TRMT6: variants seen among roughly 807,000 people sequenced by gnomAD.
The protein encoded by TRMT6 is tRNA methyltransferase 6 non-catalytic subunit, also known as tRNA (adenine(58)-N(1))-methyltransferase non-catalytic subunit TRM6.
A neutral mutation model predicts 59.0 loss-of-function variants in TRMT6; 34 were observed. The observed-to-expected ratio is 0.58, with a 90% confidence interval of 0.44 to 0.77. The LOEUF (loss-of-function observed/expected upper bound fraction) is 0.77. Among genes scored for constraint, TRMT6 ranks in the 30% least tolerant of loss-of-function variants. The probability of loss-of-function intolerance (pLI) is 0.00; values close to 1 mark genes in which losing one functional copy is unlikely to be tolerated. For synonymous variants in TRMT6, 217 were observed against 210.5 expected (o/e 1.03, Z -0.27); for missense variants, 575 against 604.5 (o/e 0.95, Z 0.51).
At chr20:5,942,261 G>T in intron 7 of TRMT6, 167 bp downstream of exon 7, 1 of 767,942 alleles carries the variant, frequency 1.3e-6, no homozygotes, top group Non-Finnish European at 2.2e-6. Flanking sequence ...GCTCCATCCC[G>T]AAGACCGAAT....
At chr20:5,942,187 A>G in intron 7 of TRMT6, 151 bp from the exon 8 acceptor site, 2 of 767,200 alleles carry the variant, frequency 2.6e-6, no homozygotes, top group South Asian at 1.7e-5. Flanking sequence ...GCAAATACAC[A>G]AGAAAGCCTA....
chr20:5,939,322 AAT>A (rs1341581947), intron 10 of TRMT6, among the ~76,000 whole-genome samples: 3 of 152,002 alleles, frequency 2.0e-5, no homozygotes, highest in African/African-American at 7.2e-5. Flanking sequence ...CTCTACTAAA[AAT>A]ACAAAAATTA....
At chr20:5,941,171 T>G in intron 9 of TRMT6, 32 bp from the exon 10 acceptor site, 1 of 1,609,484 alleles carries the variant, frequency 6.2e-7, no homozygotes, top group Non-Finnish European at 8.5e-7. Context: ...TGTTAAGAAC[T>G]ACTTCCTGGG....
chr20:5,942,067 C>T (rs1349575119), intron 7 of TRMT6, 31 bp from the exon 8 acceptor site: 4 of 1,571,148 alleles, frequency 2.5e-6, no homozygotes, highest in Non-Finnish European at 3.5e-6. Flanking sequence ...AATCAATGTA[C>T]TGGGGTCTTT....
rs186122510 is a variant in TRMT6 at position 5,938,416 on chromosome 20, G to A, written c.*119C>T. On this transcript the variant is annotated 3_prime_UTR_variant, in exon 11 of 11. Coordinates refer to ENST00000203001, the MANE Select transcript of TRMT6 (RefSeq NM_015939.5). Reference sequence around the variant, plus strand: ...GCATATACTCCTCCTTCCTAGAAACGGGTACATAGACATGTTCTTATTCTT... The same window carrying A: ...GCATATACTCCTCCTTCCTAGAAACAGGTACATAGACATGTTCTTATTCTT... 28 of 1,060,854 alleles carry A rather than the reference G, an allele frequency of 2.6e-5. No homozygotes were observed. Among genetic ancestry groups the A allele is most frequent in the Admixed American group, 2.1e-4 (9 of 43,288 alleles). 65.7% of individuals were successfully genotyped at this position (1,060,854 alleles called of 1,614,324 possible).
intron 5 of TRMT6, 21 bp downstream of exon 5, chr20:5,943,927 T>C: frequency 2.5e-6 from 4 of 1,592,808 alleles, no homozygotes; most frequent in Middle Eastern, 1.7e-4. Context: ...AATTATACTT[T>C]TGAAAGGAAA....
At chr20:5,942,905 G>A in intron 6 of TRMT6, 119 bp from the exon 7 acceptor site, 1 of 771,926 alleles carries the variant, frequency 1.3e-6, no homozygotes, top group Non-Finnish European at 2.1e-6. Flanking sequence ...TTATTCAGAG[G>A]CTGAAGGATG....
chr20:5,938,921 T>C, intron 10 of TRMT6, among the ~76,000 whole-genome samples, 195 bp from the exon 11 acceptor site: 1 of 131,574 alleles, frequency 7.6e-6, no homozygotes, highest in Admixed American at 8.3e-5. Flanking sequence ...CCTTCCTCCC[T>C]CCCTTCCTTC....
At position 5,942,763 on chromosome 20, in the gene TRMT6, A is replaced by G. The variant is rs2088669735; in HGVS notation, c.691T>C (p.Tyr231His). 2 of 1,613,382 alleles carry G rather than the reference A, an allele frequency of 1.2e-6. No homozygotes were observed. Among genetic ancestry groups the G allele is most frequent in the African/African-American group, 2.7e-5 (2 of 74,812 alleles). ...GCCCGAACAGGTCCTCCTCCAGGGTATAGCTGAATAATGGAGCCAAAACCT... is the reference window on the plus strand; with the variant it reads ...GCCCGAACAGGTCCTCCTCCAGGGTGTAGCTGAATAATGGAGCCAAAACCT... ...MGGFGSIIQL[Y>H]PGGGPVRAAT... is the part of the protein sequence containing the mutation. Residue 231 changes from tyrosine to histidine, a missense_variant, in exon 7 of 11, where the codon TAC becomes CAC. Physicochemically the swap from Tyr to His is moderately conservative, Grantham distance 83 (BLOSUM62 2). Transcript: ENST00000203001.
In TRMT6 at chr20:5,941,364, A is replaced by G. The variant is rs1219502604; in HGVS notation, c.1113-19T>C. ...AATTAAACTGTAAGGAAAATGCCAG[A>G]CAAATTATTTCTCTACACCCTCAAA... On this transcript the variant is annotated intron_variant, in intron 8 of 10. Coordinates refer to ENST00000203001, the MANE Select transcript of TRMT6 (RefSeq NM_015939.5). 1 of 1,581,366 alleles carries G rather than the reference A, an allele frequency of 6.3e-7. No individual in the cohort carries two copies.
rs757096881 is a variant in TRMT6 at position 5,941,036 on chromosome 20, G to A, written c.1302+17C>T. ...CTCGGGAGGGCAGCTCTTGGGACTG[G>A]CTGTAAGAACACGTACCTGATAATT... is the stretch of plus-strand genomic sequence containing the variant. On this transcript the variant is annotated intron_variant, in intron 10 of 10. Coordinates refer to ENST00000203001, the MANE Select transcript of TRMT6 (RefSeq NM_015939.5). 1.2e-6 allele frequency: 2 copies of A among 1,603,096 alleles called. No homozygotes were observed. Among genetic ancestry groups the A allele is most frequent in the Non-Finnish European group, 1.7e-6 (2 of 1,170,006 alleles).
Position 5,942,417 on chromosome 20 carries a change from G to A in TRMT6, c.1026+11C>T, listed in dbSNP as rs763474197. On this transcript the variant is annotated intron_variant, in intron 7 of 10. Transcript: ENST00000203001. ...GATTATGGGGGTGGTGGGGACTCTTGGCATCCTTACATAATCTTTTTTGCT... is the reference window on the plus strand; with the variant it reads ...GATTATGGGGGTGGTGGGGACTCTTAGCATCCTTACATAATCTTTTTTGCT... 6.2e-7 allele frequency: 1 copy of A among 1,607,478 alleles called. No homozygotes were observed. Among genetic ancestry groups the A allele is most frequent in the South Asian group, 1.1e-5 (1 of 90,934 alleles).
At chr20:5,940,716 T>C (rs1430312265) in intron 10 of TRMT6, among the ~76,000 whole-genome samples, 1 of 152,180 alleles carries the variant, frequency 6.6e-6, no homozygotes, top group Non-Finnish European at 1.5e-5. Context: ...CCTCCAGGGT[T>C]CAAGCAATCT....
rs567916576 is a variant in TRMT6 at position 5,944,901 on chromosome 20, C to G, written c.270G>C (p.Ala90=). ...REEPTAETKE[A]GTDNRNIVDD... ...CAACTATATTTCGATTATCAGTGCC[C>G]GCTTCTTTAGTCTCTAAGGAAAGAA... The change falls in exon 3 of 11, where the codon GCG becomes GCC. Residue 90 remains alanine, a synonymous_variant. Transcript: ENST00000203001. 1.2e-6 allele frequency: 2 copies of G among 1,612,642 alleles called. No homozygotes were observed. The highest frequency in any genetic ancestry group is 2.2e-5 in the South Asian group (2 of 91,026).
chr20:5,937,605 A>G lies in TRMT6; in HGVS notation c.*930T>C, dbSNP rs1471472251. ...TTTGACAAGGAATGACACTAATACA[A>G]TGAGAATTGGTCTAAGTCCTGCACA... On this transcript the variant is annotated 3_prime_UTR_variant, in exon 11 of 11. Transcript: ENST00000203001. 1.3e-5 allele frequency: 2 copies of G among 152,262 alleles called. No individual in the cohort carries two copies. Among genetic ancestry groups the G allele is most frequent in the South Asian group, 2.1e-4 (1 of 4,830 alleles). 9.4% of individuals were successfully genotyped at this position (152,262 alleles called of 1,614,324 possible). A position where few individuals can be genotyped will look rare whatever the true frequency, so the allele number is the denominator to read the frequency against.
At chr20:5,946,957 T>C (rs974187865) in intron 1 of TRMT6, among the ~76,000 whole-genome samples, 1 of 152,216 alleles carries the variant, frequency 6.6e-6, no homozygotes, top group African/African-American at 2.4e-5. Flanking sequence ...AGATTTTTTA[T>C]CTTATTGCAA....
intron 3 of TRMT6, 22 bp downstream of exon 3, chr20:5,944,783 C>CT: frequency 6.3e-7 from 1 of 1,590,020 alleles, no homozygotes; most frequent in East Asian, 2.2e-5. Flanking sequence ...AAAAACAAAA[C>CT]TAAAAATCCT....
chr20:5,938,943 T>C (rs2088632903), intron 10 of TRMT6, among the ~76,000 whole-genome samples: 1 of 143,566 alleles, frequency 7.0e-6, no homozygotes, highest in South Asian at 2.5e-4. Context: ...TTTCTCTCTC[T>C]CTCTTTCTTT....
Position 5,941,453 on chromosome 20 carries a change from G to C in TRMT6, c.1113-108C>G, listed in dbSNP as rs879060039. The C allele has an allele frequency of 1.1e-4, 86 of 774,318 alleles. No homozygotes were observed. The South Asian group carries it at 1.4e-3, about 13-fold the overall frequency. 48.0% of individuals were successfully genotyped at this position (774,318 alleles called of 1,614,324 possible). The stretch of plus-strand genomic sequence containing the variant: ...GTATTTAATTTGCATGACTCACAAA[G>C]AGAAGAGATTTAAATATAACATTCT... On this transcript the variant is annotated intron_variant, in intron 8 of 10. Coordinates refer to ENST00000203001, the MANE Select transcript of TRMT6 (RefSeq NM_015939.5).
Sources: gnomAD v4.1 joint callset for allele counts (sites outside exome capture counted in the v4.1 genomes callset) on GRCh38, gnomAD v4.1.1 for gene constraint, MANE v1.5 for transcripts, NCBI Gene and HGNC (gene_info 2026-07-23, HGNC 2026-07-21) for gene names.